SHROOM3: variants seen among roughly 807,000 people sequenced by gnomAD.
SHROOM3 encodes shroom family member 3.
Under a neutral mutation model 138.6 loss-of-function variants are expected in SHROOM3, and 47 were observed. The observed-to-expected ratio is 0.34, with a 90% CI of 0.27 to 0.43. SHROOM3 has a LOEUF of 0.43. SHROOM3 is among the 20% of genes least tolerant of loss of function. The probability of loss-of-function intolerance (pLI) is 1.00; values close to 1 mark genes in which losing one functional copy is unlikely to be tolerated. For synonymous variants in SHROOM3, 1,062 were observed against 1,063.3 expected, an observed-to-expected ratio of 1.00 and a Z score of 0.02; for missense variants, 2,491 against 2,596.5, an observed-to-expected ratio of 0.96 and a Z score of 0.88.
chr4:76,772,633 G>C (rs1173651054), intron 10 of SHROOM3, among the ~76,000 whole-genome samples: 1 of 152,162 alleles, frequency 6.6e-6, no homozygotes, highest in Non-Finnish European at 1.5e-5. Context: ...TCTAGAAATA[G>C]TCTGATACTA....
chr4:76,727,006 G>A (rs566665223), intron 3 of SHROOM3, among the ~76,000 whole-genome samples: 7 of 152,116 alleles, frequency 4.6e-5, no homozygotes, highest in Admixed American at 1.3e-4. Context: ...CTGAGGTCAC[G>A]GTCCATTGGT....
chr4:76,739,842 G>A lies in SHROOM3; in HGVS notation c.1669G>A (p.Val557Ile). 1 of 1,614,152 alleles carries A rather than the reference G, an allele frequency of 6.2e-7. No homozygotes were observed. Among genetic ancestry groups the A allele is most frequent in the East Asian group, 2.2e-5 (1 of 44,868 alleles). The change falls in exon 5 of 11, where the codon GTC (valine) becomes ATC (isoleucine). Residue 557 changes from valine to isoleucine, a missense_variant. Physicochemically the swap from Val to Ile is conservative, Grantham distance 29. Transcript: ENST00000296043. ...EATAKYVPSK[V>I]HFCSVPENEE... ...TACAGCCAAGTATGTCCCCTCCAAAGTCCATTTCTGTTCAGTGCCTGAAAA... is the reference window on the plus strand; with the variant it reads ...TACAGCCAAGTATGTCCCCTCCAAAATCCATTTCTGTTCAGTGCCTGAAAA...
intron 1 of SHROOM3, among the ~76,000 whole-genome samples, chr4:76,437,395 C>T (rs570529881): frequency 2.6e-5 from 4 of 152,174 alleles, no homozygotes; most frequent in Admixed American, 2.6e-4. Context: ...GTAGATTTTC[C>T]AGGCAAGGGG....
At chr4:76,467,763 G>T (rs550222401) in intron 1 of SHROOM3, among the ~76,000 whole-genome samples, 2 of 152,238 alleles carry the variant, frequency 1.3e-5, no homozygotes, top group East Asian at 3.9e-4. Flanking sequence ...CACAAACCCG[G>T]GTATAACTTC....
intron 3 of SHROOM3, chr4:76,715,935 A>G (rs1720359948): frequency 6.1e-6 from 1 of 164,952 alleles, no homozygotes; most frequent in African/African-American, 2.4e-5. Context: ...GCATTTTTGC[A>G]TATGGAGGAG....
chr4:76,622,655 C>T (rs940769537), intron 2 of SHROOM3, among the ~76,000 whole-genome samples: 4 of 151,726 alleles, frequency 2.6e-5, no homozygotes, highest in Non-Finnish European at 4.4e-5. Flanking sequence ...CATATTTTTT[C>T]CTTGGTTGAA....
At chr4:76,642,254 A>G (rs1247488974) in intron 2 of SHROOM3, among the ~76,000 whole-genome samples, 2 of 152,186 alleles carry the variant, frequency 1.3e-5, no homozygotes, top group African/African-American at 4.8e-5. Context: ...CCTCATTTCT[A>G]AATGTCTAAA....
chr4:76,438,136 A>T (rs1730597892), intron 1 of SHROOM3, among the ~76,000 whole-genome samples: 1 of 152,232 alleles, frequency 6.6e-6, no homozygotes, highest in African/African-American at 2.4e-5. Context: ...CTGTAAAAAG[A>T]TCCAAAATAA....
chr4:76,624,686 A>T (rs982163780), intron 2 of SHROOM3, among the ~76,000 whole-genome samples: 2 of 152,248 alleles, frequency 1.3e-5, no homozygotes, highest in Admixed American at 6.5e-5. Context: ...AACAGAAATT[A>T]TAAAGAGGTG....
chr4:76,689,023 A>G (rs1224978018), intron 2 of SHROOM3: 1 of 790,306 alleles, frequency 1.3e-6, no homozygotes. Context: ...TCATTTGATC[A>G]ATTACTAACT....
At chr4:76,616,769 AAT>A (rs1734891111) in intron 2 of SHROOM3, among the ~76,000 whole-genome samples, 1 of 152,174 alleles carries the variant, frequency 6.6e-6, no homozygotes, top group South Asian at 2.1e-4. Flanking sequence ...GGGATGCAGC[AAT>A]ATGTTTGCAC....
chr4:76,489,289 G>A (rs1731800846), intron 1 of SHROOM3, among the ~76,000 whole-genome samples: 1 of 152,050 alleles, frequency 6.6e-6, no homozygotes. Flanking sequence ...TGTCCTTTAT[G>A]GTGGCTGGTT....
At chr4:76,600,965 A>G (rs988589935) in intron 2 of SHROOM3, among the ~76,000 whole-genome samples, 2 of 152,218 alleles carry the variant, frequency 1.3e-5, no homozygotes, top group African/African-American at 4.8e-5. Context: ...AAAAGTGGAA[A>G]GTCTGTATTT....
intron 1 of SHROOM3, among the ~76,000 whole-genome samples, chr4:76,532,613 C>T (rs1262028943): frequency 6.6e-6 from 1 of 152,156 alleles, no homozygotes; most frequent in Non-Finnish European, 1.5e-5. Context: ...CTTAACTCAA[C>T]ACTTATCACA....
At chr4:76,598,778 A>G (rs750490966) in intron 2 of SHROOM3, among the ~76,000 whole-genome samples, 5 of 152,164 alleles carry the variant, frequency 3.3e-5, no homozygotes, top group African/African-American at 4.8e-5. Context: ...GATGCTCATG[A>G]GTTTGAACAG....
At chr4:76,591,543 A>G (rs978544499) in intron 2 of SHROOM3, among the ~76,000 whole-genome samples, 2 of 150,266 alleles carry the variant, frequency 1.3e-5, no homozygotes, top group African/African-American at 4.8e-5. Flanking sequence ...AATATGCAAC[A>G]CACTTGGAAT....
intron 3 of SHROOM3, among the ~76,000 whole-genome samples, chr4:76,717,384 CATT>C (rs1244560767): frequency 6.6e-6 from 1 of 152,174 alleles, no homozygotes; most frequent in African/African-American, 2.4e-5. Flanking sequence ...TGGTGTCTGA[CATT>C]AATCTGGGGA....
At chr4:76,535,494 G>A (rs1732932060) in intron 1 of SHROOM3, among the ~76,000 whole-genome samples, 1 of 152,180 alleles carries the variant, frequency 6.6e-6, no homozygotes, top group Admixed American at 6.5e-5. Flanking sequence ...ATCCCAACTG[G>A]AAGTTATGGT....
At chr4:76,613,719 G>T (rs1734812013) in intron 2 of SHROOM3, among the ~76,000 whole-genome samples, 2 of 152,150 alleles carry the variant, frequency 1.3e-5, no homozygotes, top group South Asian at 4.1e-4. Flanking sequence ...CAAGTAGTGG[G>T]CATATCTGAG....
Sources: allele counts gnomAD v4.1 joint callset (sites outside exome capture counted in the v4.1 genomes callset), GRCh38; gene constraint gnomAD v4.1.1; transcripts MANE v1.5; gene names NCBI Gene and HGNC (gene_info 2026-07-23, HGNC 2026-07-21).